ANKS1B: variants seen among roughly 807,000 people sequenced by gnomAD.
The protein encoded by ANKS1B is ankyrin repeat and sterile alpha motif domain-containing protein 1B.
A neutral mutation model predicts 148.3 loss-of-function variants in ANKS1B; 36 were observed. That is an observed-to-expected ratio of 0.24 (90% CI 0.19 to 0.32). The LOEUF is 0.32. ANKS1B is among the 10% of genes least tolerant of loss of function. ANKS1B has a pLI of 1.00. For synonymous variants in ANKS1B, 542 were observed against 560.8 expected (o/e 0.97, Z 0.47); for missense variants, 1,157 against 1,542.6 (o/e 0.75, Z 4.19).
chr12:98,858,015 A>AT (rs1287170630), intron 17 of ANKS1B, among the ~76,000 whole-genome samples: 1 of 152,208 alleles, frequency 6.6e-6, no homozygotes, highest in African/African-American at 2.4e-5. Flanking sequence ...CCATGTAACT[A>AT]TAGTTATACT....
intron 8 of ANKS1B, among the ~76,000 whole-genome samples, chr12:99,680,005 A>C (rs2098604917): frequency 6.6e-6 from 1 of 152,208 alleles, no homozygotes; most frequent in Non-Finnish European, 1.5e-5. Flanking sequence ...CAGTTGAAAA[A>C]ATGTCTTGAA....
chr12:98,917,399 G>A (rs2099795851), intron 17 of ANKS1B, among the ~76,000 whole-genome samples: 1 of 152,120 alleles, frequency 6.6e-6, no homozygotes, highest in Non-Finnish European at 1.5e-5. Flanking sequence ...CAGAGAGCCA[G>A]TGTCCCTGCA....
chr12:99,083,734 T>G (rs2050646376), intron 16 of ANKS1B: 1 of 152,216 alleles, frequency 6.6e-6, no homozygotes, highest in Non-Finnish European at 1.5e-5. Flanking sequence ...ATTTTAAATG[T>G]CTATTTCCCT....
chr12:98,923,587 G>A (rs894084340), intron 17 of ANKS1B, among the ~76,000 whole-genome samples: 1 of 152,150 alleles, frequency 6.6e-6, no homozygotes, highest in Non-Finnish European at 1.5e-5. Flanking sequence ...TAGTTGAATG[G>A]AGTACCTACA....
intron 14 of ANKS1B, among the ~76,000 whole-genome samples, chr12:99,177,349 T>C (rs781570776): frequency 6.6e-6 from 1 of 152,204 alleles, no homozygotes; most frequent in Non-Finnish European, 1.5e-5. Flanking sequence ...ACATAAACTT[T>C]TTTTTATGAG....
chr12:98,946,604 T>A (rs142903504), intron 17 of ANKS1B, among the ~76,000 whole-genome samples: 263 of 152,148 alleles, frequency 1.7e-3, no homozygotes, highest in Non-Finnish European at 3.1e-3. Flanking sequence ...GGGGGAAAGA[T>A]GAGAGCAGCT....
intron 2 of ANKS1B, among the ~76,000 whole-genome samples, chr12:99,823,357 GTGC>G (rs1343492945): frequency 1.3e-5 from 2 of 152,150 alleles, no homozygotes; most frequent in Admixed American, 1.3e-4. Context: ...CCAGGCTGGA[GTGC>G]AGTCATGAGA....
At chr12:98,937,887 T>C (rs1232697285) in intron 17 of ANKS1B, among the ~76,000 whole-genome samples, 4 of 131,474 alleles carry the variant, frequency 3.0e-5, no homozygotes, top group Non-Finnish European at 6.8e-5. Flanking sequence ...ACATCTTACA[T>C]GGCAGCAGGA....
intron 8 of ANKS1B, among the ~76,000 whole-genome samples, chr12:99,741,445 T>C (rs2060103422): frequency 6.6e-6 from 1 of 152,132 alleles, no homozygotes; most frequent in Admixed American, 6.5e-5. Flanking sequence ...CACATTCACA[T>C]GTATGTTTAC....
chr12:99,038,092 C>T (rs1015265801), intron 17 of ANKS1B, among the ~76,000 whole-genome samples: 3 of 152,256 alleles, frequency 2.0e-5, no homozygotes, highest in East Asian at 3.9e-4. Flanking sequence ...TTTGGCCACA[C>T]ATTGGTTTTT....
chr12:99,327,165 A>T (rs1423758158), intron 12 of ANKS1B, among the ~76,000 whole-genome samples: 2 of 120,240 alleles, frequency 1.7e-5, no homozygotes, highest in Non-Finnish European at 3.2e-5. Flanking sequence ...TATATAATAT[A>T]TAATTATATT....
At chr12:99,637,332 C>G (rs1235600988) in intron 9 of ANKS1B, among the ~76,000 whole-genome samples, 1 of 152,012 alleles carries the variant, frequency 6.6e-6, no homozygotes, top group Non-Finnish European at 1.5e-5. Context: ...ATAATTGATA[C>G]CTCTGATATG....
intron 24 of ANKS1B, among the ~76,000 whole-genome samples, chr12:98,776,441 C>T (rs2098675870): frequency 6.6e-6 from 1 of 152,212 alleles, no homozygotes; most frequent in Non-Finnish European, 1.5e-5. Context: ...TGGGGAGGGG[C>T]TCCTCCTGCC....
intron 15 of ANKS1B, among the ~76,000 whole-genome samples, chr12:99,107,397 G>T (rs1848394655): frequency 6.6e-6 from 1 of 152,246 alleles, no homozygotes; most frequent in African/African-American, 2.4e-5. Context: ...CCTCCACCAT[G>T]CTGCCTCAGA....
At chr12:99,832,527 C>G (rs1007660746) in intron 1 of ANKS1B, among the ~76,000 whole-genome samples, 1 of 151,910 alleles carries the variant, frequency 6.6e-6, no homozygotes, top group Non-Finnish European at 1.5e-5. Flanking sequence ...AGTTCGAAAC[C>G]AGCCTGGCCA....
intron 9 of ANKS1B, among the ~76,000 whole-genome samples, chr12:99,595,770 C>T (rs1329842329): frequency 6.6e-6 from 1 of 151,876 alleles, no homozygotes; most frequent in South Asian, 2.1e-4. Context: ...AATACATATG[C>T]TTTGTGCATA....
intron 10 of ANKS1B, among the ~76,000 whole-genome samples, chr12:99,503,712 TACC>T (rs2096678199): frequency 6.6e-6 from 1 of 152,080 alleles, no homozygotes; most frequent in Admixed American, 6.6e-5. Context: ...CATCTACTTG[TACC>T]ACATCACTTC....
At chr12:99,659,907 C>G (rs1273832141) in intron 8 of ANKS1B, among the ~76,000 whole-genome samples, 4 of 152,114 alleles carry the variant, frequency 2.6e-5, no homozygotes, top group Admixed American at 2.6e-4. Context: ...TGGAAGCCAC[C>G]TCCTTAATTA....
chr12:99,266,971 T>C (rs988746883), intron 12 of ANKS1B, among the ~76,000 whole-genome samples: 16 of 152,184 alleles, frequency 1.1e-4, no homozygotes, highest in African/African-American at 3.9e-4. Flanking sequence ...CAGTCTGCCT[T>C]TGTTATGAAT....
Sources: gnomAD v4.1 joint callset for allele counts (sites outside exome capture counted in the v4.1 genomes callset) on GRCh38, gnomAD v4.1.1 for gene constraint, MANE v1.5 for transcripts, NCBI Gene and HGNC (gene_info 2026-07-23, HGNC 2026-07-21) for gene names.